Variants in GABRB3 observed in about 807,000 individuals in gnomAD.
GABRB3 encodes gamma-aminobutyric acid type A receptor subunit beta3.
GABRB3 carries 14 observed loss-of-function variants against 52.1 expected under a neutral mutation model. That is an observed-to-expected ratio of 0.27 (90% CI 0.18 to 0.42). The LOEUF (loss-of-function observed/expected upper bound fraction) is 0.42. GABRB3 is among the 10% of genes least tolerant of loss of function. The pLI is 1.00. For missense variants in GABRB3, 307 were observed against 609.1 expected (o/e 0.50, Z 5.22); for synonymous variants, 260 against 232.3 (o/e 1.12, Z -1.08).
At chr15:26,711,277 G>A (rs1431074017) in intron 3 of GABRB3, among the ~76,000 whole-genome samples, 2 of 152,100 alleles carry the variant, frequency 1.3e-5, no homozygotes, top group South Asian at 4.1e-4. Context: ...ATGTCGGCTG[G>A]TCTTGAAGAC....
intron 3 of GABRB3, among the ~76,000 whole-genome samples, chr15:26,679,176 TA>T (rs1307527155): frequency 6.6e-6 from 1 of 152,206 alleles, no homozygotes; most frequent in Admixed American, 6.5e-5. Context: ...TTTGAATGTG[TA>T]AAATCAAAAT....
intron 6 of GABRB3, among the ~76,000 whole-genome samples, chr15:26,573,338 T>C (rs1161171432): frequency 6.6e-6 from 1 of 152,192 alleles, no homozygotes; most frequent in Non-Finnish European, 1.5e-5. Context: ...TTATTATGTG[T>C]TGAAAAAACC....
chr15:26,603,477 T>C (rs1024471098), intron 4 of GABRB3, among the ~76,000 whole-genome samples: 5 of 151,370 alleles, frequency 3.3e-5, no homozygotes, highest in African/African-American at 7.3e-5. Context: ...AAACAAAAAA[T>C]AACTAAAGGC....
At chr15:26,721,387 C>T (rs1331227390) in intron 3 of GABRB3, among the ~76,000 whole-genome samples, 3 of 151,966 alleles carry the variant, frequency 2.0e-5, no homozygotes, top group Admixed American at 6.6e-5. Context: ...CTAAATCACT[C>T]ATCAATGGAG....
At chr15:26,772,069 A>G (rs1793024582) in intron 3 of GABRB3, 2 of 274,400 alleles carry the variant, frequency 7.3e-6, no homozygotes, top group South Asian at 9.5e-5. Flanking sequence ...AGGAGGCGAG[A>G]CAGCGCTCGG....
chr15:26,723,401 C>T (rs1889692670), intron 3 of GABRB3, among the ~76,000 whole-genome samples: 4 of 152,176 alleles, frequency 2.6e-5, no homozygotes. Context: ...CCCTCCCTAC[C>T]TAGGGTAGTT....
At chr15:26,617,556 T>A (rs1377847984) in intron 4 of GABRB3, among the ~76,000 whole-genome samples, 1 of 152,092 alleles carries the variant, frequency 6.6e-6, no homozygotes, top group Non-Finnish European at 1.5e-5. Flanking sequence ...ACAGCCAATA[T>A]CATACTGAAT....
intron 3 of GABRB3, among the ~76,000 whole-genome samples, chr15:26,710,807 T>A (rs1889268669): frequency 6.6e-6 from 1 of 152,212 alleles, no homozygotes; most frequent in South Asian, 2.1e-4. Context: ...ATAAACGTTT[T>A]TTCTATATAC....
At chr15:26,768,819 T>C (rs1398531632) in intron 3 of GABRB3, among the ~76,000 whole-genome samples, 1 of 151,470 alleles carries the variant, frequency 6.6e-6, no homozygotes, top group Non-Finnish European at 1.5e-5. Flanking sequence ...AAAAAAAGAA[T>C]GTACGAAAAG....
rs139704676 is a variant in GABRB3, at chr15:26,571,588, A to G, written c.683-3855T>C. Among the ~76,000 whole-genome samples, 819 of 152,334 alleles carry G rather than the reference A, an allele frequency of 5.4e-3. 9 individuals are homozygous for G. Among genetic ancestry groups the G allele is most frequent in the African/African-American group, 0.018 (748 of 41,574 alleles). ...TCTTCAGGGAAACTGTGGGCAGTAG[A>G]AACCACTATTGACTGCCATGACTGT... is the stretch of plus-strand genomic sequence containing the variant. On this transcript the variant is annotated intron_variant, in intron 6 of 8. Coordinates refer to ENST00000311550, the MANE Select transcript of GABRB3 (RefSeq NM_000814.6).
intron 4 of GABRB3, among the ~76,000 whole-genome samples, chr15:26,591,451 G>C (rs1043717225): frequency 6.6e-6 from 1 of 152,280 alleles, no homozygotes; most frequent in African/African-American, 2.4e-5. Flanking sequence ...TAATTTTGGT[G>C]AATGAGTAGT....
At position 26,732,253 on chromosome 15, in the gene GABRB3, AATAG is replaced by A. The variant is rs372973396; in HGVS notation, c.240+40145_240+40148del. On this transcript the variant is annotated intron_variant, in intron 3 of 8. Coordinates refer to ENST00000311550, the MANE Select transcript of GABRB3 (RefSeq NM_000814.6). ...GGGTGGACAGATGGATGGATGGATG[AATAG>A]ATGGATGGATGGATGGATGAATAGA... Among the ~76,000 whole-genome samples, 83 of 121,026 alleles carry A rather than the reference AATAG, an allele frequency of 6.9e-4. 1 individual carries two copies. Among genetic ancestry groups the A allele is most frequent in the African/African-American group, 2.4e-3 (73 of 30,626 alleles). The allele number at this position is 121,026 out of a possible 152,430, so 79.4% of individuals were successfully genotyped here.
At chr15:26,709,553 T>C (rs1889225210) in intron 3 of GABRB3, among the ~76,000 whole-genome samples, 6 of 147,662 alleles carry the variant, frequency 4.1e-5, no homozygotes, top group Admixed American at 3.4e-4. Context: ...AGTCTTGCTC[T>C]GTCGCCCAGA....
chr15:26,624,429 C>T (rs1226517613), intron 3 of GABRB3: 2 of 985,356 alleles, frequency 2.0e-6, no homozygotes, highest in East Asian at 2.3e-4. Context: ...CAGAGTCCCT[C>T]CGGATGGGCT....
At chr15:26,722,799 G>T (rs1411234047) in intron 3 of GABRB3, among the ~76,000 whole-genome samples, 1 of 152,086 alleles carries the variant, frequency 6.6e-6, no homozygotes, top group South Asian at 2.1e-4. Context: ...CACTGGATCC[G>T]AGGGCTGGGC....
intron 8 of GABRB3, among the ~76,000 whole-genome samples, chr15:26,554,646 C>T (rs1033509521): frequency 6.6e-6 from 1 of 152,102 alleles, no homozygotes; most frequent in Non-Finnish European, 1.5e-5. Flanking sequence ...CATTCATGGA[C>T]AGATGTTACA....
chr15:26,580,182 G>T, intron 6 of GABRB3, 137 bp downstream of exon 6: 2 of 997,674 alleles, frequency 2.0e-6, no homozygotes, highest in Non-Finnish European at 3.1e-6. Flanking sequence ...GAGGAGGGGT[G>T]TGTGTGATGT....
intron 4 of GABRB3, among the ~76,000 whole-genome samples, chr15:26,606,865 T>C (rs1247527843): frequency 2.3e-5 from 3 of 128,564 alleles, no homozygotes; most frequent in Admixed American, 1.5e-4. Context: ...AAACTAAATA[T>C]GGCCTGAGAA....
At chr15:26,721,909 C>A (rs1383893421) in intron 3 of GABRB3, among the ~76,000 whole-genome samples, 2 of 152,048 alleles carry the variant, frequency 1.3e-5, no homozygotes, top group African/African-American at 4.8e-5. Context: ...GACCATTGGT[C>A]CATGATAATT....
Sources: allele counts gnomAD v4.1 joint callset (sites outside exome capture counted in the v4.1 genomes callset), GRCh38; gene constraint gnomAD v4.1.1; transcripts MANE v1.5; gene names NCBI Gene and HGNC (gene_info 2026-07-23, HGNC 2026-07-21).